The following DYNC1I1 variants were observed in gnomAD, a reference collection of about 807,000 sequenced individuals.
DYNC1I1 encodes the protein dynein cytoplasmic 1 intermediate chain 1, also known as cytoplasmic dynein 1 intermediate chain 1.
Under a neutral mutation model 86.6 loss-of-function variants are expected in DYNC1I1, and 43 were observed. The observed-to-expected ratio is 0.50, with a 90% CI of 0.39 to 0.64. DYNC1I1 has a LOEUF of 0.64. DYNC1I1 is among the 30% of genes least tolerant of loss of function. DYNC1I1 has a pLI of 0.00. For missense variants in DYNC1I1, 604 were observed against 788.8 expected, an observed-to-expected ratio of 0.77 and a Z score of 2.81; for synonymous variants, 262 against 283.7, an observed-to-expected ratio of 0.92 and a Z score of 0.77.
At chr7:95,893,006 G>A (rs929248740) in intron 6 of DYNC1I1, among the ~76,000 whole-genome samples, 10 of 152,032 alleles carry the variant, frequency 6.6e-5, no homozygotes, top group Non-Finnish European at 1.3e-4. Context: ...CTCTTTCCTC[G>A]TGACCTTTCT....
At chr7:96,020,187 T>C (rs1421340895) in intron 10 of DYNC1I1, among the ~76,000 whole-genome samples, 2 of 150,688 alleles carry the variant, frequency 1.3e-5, no homozygotes, top group Non-Finnish European at 2.9e-5. Context: ...GAATGTAAAA[T>C]GGTGCGGCTG....
chr7:96,000,321 A>T (rs1793978290), intron 10 of DYNC1I1, among the ~76,000 whole-genome samples: 2 of 152,342 alleles, frequency 1.3e-5, no homozygotes, highest in East Asian at 1.9e-4. Flanking sequence ...TGATATTCAA[A>T]GTGCCTCAGG....
chr7:95,812,970 G>A (rs1002627509), intron 3 of DYNC1I1, among the ~76,000 whole-genome samples: 1 of 152,134 alleles, frequency 6.6e-6, no homozygotes, highest in South Asian at 2.1e-4. Context: ...CTATTTTGAT[G>A]CTTCATTTTA....
chr7:95,801,736 A>G (rs1348154956), intron 1 of DYNC1I1, among the ~76,000 whole-genome samples: 1 of 152,188 alleles, frequency 6.6e-6, no homozygotes, highest in African/African-American at 2.4e-5. Flanking sequence ...GGTCAAGGGC[A>G]TTTATAACTT....
At chr7:95,868,973 G>A (rs1490441111) in intron 5 of DYNC1I1, among the ~76,000 whole-genome samples, 1 of 152,208 alleles carries the variant, frequency 6.6e-6, no homozygotes, top group East Asian at 1.9e-4. Context: ...GATTTTTGCA[G>A]TAACTCAAGA....
chr7:96,025,541 T>G (rs1222240392), intron 10 of DYNC1I1, among the ~76,000 whole-genome samples: 3 of 152,194 alleles, frequency 2.0e-5, no homozygotes, highest in African/African-American at 7.2e-5. Flanking sequence ...GTGGTGTTAC[T>G]CTTTTTTAGC....
chr7:96,048,483 T>A (rs1459333188), intron 14 of DYNC1I1, among the ~76,000 whole-genome samples: 1 of 152,170 alleles, frequency 6.6e-6, no homozygotes, highest in African/African-American at 2.4e-5. Context: ...GCAAACCGTC[T>A]GGGCCCCACC....
chr7:96,076,724 T>A (rs1482056769), intron 15 of DYNC1I1, among the ~76,000 whole-genome samples: 1 of 152,208 alleles, frequency 6.6e-6, no homozygotes, highest in Non-Finnish European at 1.5e-5. Flanking sequence ...GTCTAAGATA[T>A]CAAATTCAGA....
chr7:95,806,504 G>A (rs1446868370), intron 2 of DYNC1I1, among the ~76,000 whole-genome samples: 2 of 152,212 alleles, frequency 1.3e-5, no homozygotes, highest in African/African-American at 4.8e-5. Context: ...GTAGTGGAGG[G>A]TGTGGAACAC....
At chr7:95,788,647 C>T (rs1172853585) in intron 1 of DYNC1I1, among the ~76,000 whole-genome samples, 1 of 152,082 alleles carries the variant, frequency 6.6e-6, no homozygotes, top group Non-Finnish European at 1.5e-5. Flanking sequence ...AACTTCATCC[C>T]CGTTTTTGTA....
At chr7:95,844,076 G>C (rs1177403540) in intron 5 of DYNC1I1, among the ~76,000 whole-genome samples, 3 of 152,118 alleles carry the variant, frequency 2.0e-5, no homozygotes, top group Admixed American at 2.0e-4. Context: ...TCCAGAAGAT[G>C]GGCTGAGAAC....
chr7:96,107,033 CTT>C (rs374213729), intron 16 of DYNC1I1, among the ~76,000 whole-genome samples: 5 of 145,700 alleles, frequency 3.4e-5, no homozygotes, highest in African/African-American at 7.5e-5. Context: ...TTCATTCATA[CTT>C]TTTTTTTTTT....
rs185680082 is a variant in DYNC1I1, at chr7:96,043,834, C to T, written c.1509+4413C>T. 6.9e-3 allele frequency among the ~76,000 whole-genome samples: 1,051 copies of T among 151,956 alleles called. 9 individuals carry two copies. Among genetic ancestry groups the T allele is most frequent in the African/African-American group, 0.023 (966 of 41,458 alleles). On this transcript the variant is annotated intron_variant, in intron 14 of 16. Coordinates refer to ENST00000447467, the MANE Select transcript of DYNC1I1 (RefSeq NM_001135556.2). Reference sequence around the variant, plus strand: ...AAGCAATTCTCCTGCCTTAGCCTTCCGAGCAGCTGGGATTACAGGTGCCCG... The same window carrying T: ...AAGCAATTCTCCTGCCTTAGCCTTCTGAGCAGCTGGGATTACAGGTGCCCG...
At chr7:96,066,593 T>G (rs1005723798) in intron 14 of DYNC1I1, among the ~76,000 whole-genome samples, 24 of 152,336 alleles carry the variant, frequency 1.6e-4, no homozygotes, top group African/African-American at 5.3e-4. Flanking sequence ...ATGATGTGTT[T>G]TCCCTTTTGT....
rs150416237 is a variant in DYNC1I1 at position 96,048,805 on chromosome 7, G to T, written c.1509+9384G>T. ...GAATATGCTACATGTTCTGGCCAGA[G>T]GTTTGTACGGTGAATGTATTTGAAA... On this transcript the variant is annotated intron_variant, in intron 14 of 16. Coordinates refer to ENST00000447467, the MANE Select transcript of DYNC1I1 (RefSeq NM_001135556.2). Among the ~76,000 whole-genome samples the T allele has an allele frequency of 1.6e-3, 251 of 152,234 alleles. 2 individuals carry two copies. Among genetic ancestry groups the T allele is most frequent in the African/African-American group, 5.7e-3 (237 of 41,534 alleles).
At chr7:96,045,971 C>A (rs1043662863) in intron 14 of DYNC1I1, among the ~76,000 whole-genome samples, 9 of 152,176 alleles carry the variant, frequency 5.9e-5, no homozygotes, top group African/African-American at 2.2e-4. Flanking sequence ...ATGAGGTTAG[C>A]ATGAAGGGAG....
chr7:95,864,770 TAG>T (rs1789975050), intron 5 of DYNC1I1, among the ~76,000 whole-genome samples: 1 of 152,200 alleles, frequency 6.6e-6, no homozygotes, highest in African/African-American at 2.4e-5. Flanking sequence ...GCTTGTTTCA[TAG>T]AACTTCATAA....
At chr7:95,848,818 G>A (rs1020641777) in intron 5 of DYNC1I1, among the ~76,000 whole-genome samples, 7 of 152,044 alleles carry the variant, frequency 4.6e-5, no homozygotes, top group Non-Finnish European at 8.8e-5. Flanking sequence ...TTGCCATAAT[G>A]GCTATACTAA....
chr7:95,838,061 C>G (rs1789165159), intron 5 of DYNC1I1, among the ~76,000 whole-genome samples: 1 of 152,146 alleles, frequency 6.6e-6, no homozygotes, highest in African/African-American at 2.4e-5. Context: ...TCTACTTTTG[C>G]CTTTGTTGCC....
Sources: gnomAD v4.1 joint callset for allele counts (sites outside exome capture counted in the v4.1 genomes callset) on GRCh38, gnomAD v4.1.1 for gene constraint, MANE v1.5 for transcripts, NCBI Gene and HGNC (gene_info 2026-07-23, HGNC 2026-07-21) for gene names.